SLC25A26: variants seen among roughly 807,000 people sequenced by gnomAD.
SLC25A26 encodes solute carrier family 25 member 26, also known as mitochondrial S-adenosylmethionine carrier protein.
SLC25A26 carries 36 observed loss-of-function variants against 37.8 expected under a neutral mutation model. That is an observed-to-expected ratio of 0.95 (90% CI 0.73 to 1.26). SLC25A26 has a LOEUF of 1.26. Ranked by LOEUF, SLC25A26 falls within the 50% of genes most tolerant of loss-of-function variation. The pLI is 0.00. For synonymous variants in SLC25A26, 129 were observed against 122.5 expected, an observed-to-expected ratio of 1.05 and a Z score of -0.35; for missense variants, 390 against 331.1, an observed-to-expected ratio of 1.18 and a Z score of -1.38.
chr3:66,332,312 A>G (rs1402277989), intron 5 of SLC25A26, among the ~76,000 whole-genome samples: 1 of 152,056 alleles, frequency 6.6e-6, no homozygotes, highest in Non-Finnish European at 1.5e-5. Flanking sequence ...TATTCCTTTG[A>G]CAGTTTCATA....
At chr3:66,218,336 G>A (rs1576646061), upstream of SLC25A26, among the ~76,000 whole-genome samples, 2 of 152,088 alleles carry the variant, frequency 1.3e-5, no homozygotes, top group South Asian at 2.1e-4. Flanking sequence ...TAGTTCTCTC[G>A]GGTAAATACC....
chr3:66,259,662 A>G (rs940984022), intron 3 of SLC25A26, among the ~76,000 whole-genome samples: 8 of 152,290 alleles, frequency 5.3e-5, no homozygotes, highest in Middle Eastern at 3.4e-3. Flanking sequence ...TGTCTTTTAT[A>G]GAACTGCTAT....
intron 1 of SLC25A26, among the ~76,000 whole-genome samples, chr3:66,222,415 C>G (rs888971602): frequency 2.0e-5 from 3 of 152,122 alleles, no homozygotes; most frequent in Admixed American, 6.5e-5. Context: ...CTCCTGACCT[C>G]GTGATCCCGC....
intron 1 of SLC25A26, among the ~76,000 whole-genome samples, chr3:66,187,730 C>T (rs929347404): frequency 1.4e-5 from 2 of 147,176 alleles, no homozygotes; most frequent in African/African-American, 2.5e-5. Flanking sequence ...ACACCCACAC[C>T]CTGACCAACA....
At chr3:66,241,256 T>G (rs1418677723) in intron 2 of SLC25A26, among the ~76,000 whole-genome samples, 1 of 152,028 alleles carries the variant, frequency 6.6e-6, no homozygotes, top group East Asian at 1.9e-4. Flanking sequence ...TGGTCTGAGG[T>G]GTGGATTGGG....
intron 3 of SLC25A26, among the ~76,000 whole-genome samples, chr3:66,257,593 C>CT (rs2073354254): frequency 6.6e-6 from 1 of 152,110 alleles, no homozygotes; most frequent in African/African-American, 2.4e-5. Flanking sequence ...GCCTCTGACT[C>CT]TACCTTTTTT....
chr3:66,361,747 T>C (rs1361082001), intron 6 of SLC25A26, among the ~76,000 whole-genome samples: 1 of 152,162 alleles, frequency 6.6e-6, no homozygotes, highest in Non-Finnish European at 1.5e-5. Context: ...GTGGATCGCT[T>C]GAGGTCAGGA....
At chr3:66,231,755 TTTACC>T (rs2072042267) in intron 1 of SLC25A26, among the ~76,000 whole-genome samples, 1 of 117,892 alleles carries the variant, frequency 8.5e-6, no homozygotes, top group African/African-American at 3.3e-5. Flanking sequence ...TAAGTATGGG[TTTACC>T]TCATTTTTTT....
chr3:66,314,814 C>G (rs2075486482), intron 5 of SLC25A26, among the ~76,000 whole-genome samples: 1 of 150,180 alleles, frequency 6.7e-6, no homozygotes, highest in South Asian at 2.1e-4. Context: ...GGTTATTGGT[C>G]TAGTCAGAGA....
At chr3:66,231,274 AG>A (rs782821151) in intron 1 of SLC25A26, among the ~76,000 whole-genome samples, 80 of 152,306 alleles carry the variant, frequency 5.3e-4, no homozygotes, top group Middle Eastern at 3.4e-3. Context: ...GAAGCTGCAG[AG>A]GAGGTAGCTT....
chr3:66,286,430 A>G lies in SLC25A26; in HGVS notation c.453+23051A>G, dbSNP rs148830456. On this transcript the variant is annotated intron_variant, in intron 5 of 9. Coordinates refer to ENST00000354883, the MANE Select transcript of SLC25A26 (RefSeq NM_001379210.1). The stretch of plus-strand genomic sequence containing the variant: ...GCATATATAGATGTCTAGTTATTCT[A>G]ACAGCATTTGTTGAAAAGATTTTTT... Among the ~76,000 whole-genome samples the G allele has an allele frequency of 1.2e-4, 18 of 152,274 alleles. 1 individual carries two copies. In the East Asian group the frequency reaches 3.5e-3, roughly 29 times the overall value.
At chr3:66,221,948 G>A (rs1438247653) in intron 1 of SLC25A26, among the ~76,000 whole-genome samples, 1 of 151,926 alleles carries the variant, frequency 6.6e-6, no homozygotes, top group Non-Finnish European at 1.5e-5. Flanking sequence ...GGTGTTGCAG[G>A]TGTTGAGGAT....
chr3:66,357,004 A>G (rs1172204299), intron 6 of SLC25A26, among the ~76,000 whole-genome samples: 5 of 152,224 alleles, frequency 3.3e-5, no homozygotes, highest in African/African-American at 1.2e-4. Flanking sequence ...CCTAGTAGAC[A>G]TGGTTTCTAA....
intron 1 of SLC25A26, among the ~76,000 whole-genome samples, chr3:66,209,042 A>G (rs1269165052): frequency 0.018 from 405 of 22,520 alleles, 17 homozygotes; most frequent in African/African-American, 0.075. Context: ...ATAAAGGTGT[A>G]TATATATATA....
At chr3:66,351,185 C>T (rs2076444896) in intron 6 of SLC25A26, among the ~76,000 whole-genome samples, 1 of 152,142 alleles carries the variant, frequency 6.6e-6, no homozygotes, top group Admixed American at 6.5e-5. Flanking sequence ...TGGCACCCAA[C>T]TCGTTGATAA....
rs1397394185 is a variant in SLC25A26, at chr3:66,209,057, TATATATATACAC to T, written c.-353-11683_-353-11672del. On this transcript the variant is annotated intron_variant, in intron 1 of 10. Coordinates refer to the SLC25A26 transcript ENST00000676754. ...ATAAAGGTGTATATATATATATATATATATATATACACACACACACCCATATAAAGATGTATA... is the reference window on the plus strand; with the variant it reads ...ATAAAGGTGTATATATATATATATATACACACACCCATATAAAGATGTATA... Among the ~76,000 whole-genome samples the T allele has an allele frequency of 6.0e-3, 150 of 24,850 alleles. 6 individuals carry two copies. The highest frequency in any genetic ancestry group is 0.025 in the African/African-American group (128 of 5,090). The allele number at this position is 24,850 out of a possible 152,430, so 16.3% of individuals were successfully genotyped here. A position where few individuals can be genotyped will look rare whatever the true frequency, so the allele number is the denominator to read the frequency against.
At chr3:66,277,180 A>G (rs553286926) in intron 5 of SLC25A26, among the ~76,000 whole-genome samples, 1 of 152,250 alleles carries the variant, frequency 6.6e-6, no homozygotes, top group Admixed American at 6.5e-5. Context: ...ATCAATTACC[A>G]GCTCTTGAGC....
rs560639315 is a variant in SLC25A26, at chr3:66,315,391, C to T, written c.454-30973C>T. ...AATTTCATCATTTAGCCAGTAGTCT[C>T]AGAAGCAGGTTGTTCAATTTCCATA... On this transcript the variant is annotated intron_variant, in intron 5 of 9. Coordinates refer to ENST00000354883, the MANE Select transcript of SLC25A26 (RefSeq NM_001379210.1). 1.7e-4 allele frequency among the ~76,000 whole-genome samples: 26 copies of T among 152,192 alleles called. No homozygotes were observed. In the South Asian group the frequency reaches 5.0e-3, roughly 29 times the overall value.
chr3:66,192,981 C>G (rs902419021), intron 1 of SLC25A26, among the ~76,000 whole-genome samples: 4 of 151,970 alleles, frequency 2.6e-5, no homozygotes, highest in African/African-American at 9.7e-5. Flanking sequence ...AAGAAATATT[C>G]CCTTAATTAG....
Sources: allele counts gnomAD v4.1 joint callset (sites outside exome capture counted in the v4.1 genomes callset), GRCh38; gene constraint gnomAD v4.1.1; transcripts MANE v1.5; gene names NCBI Gene and HGNC (gene_info 2026-07-23, HGNC 2026-07-21).